Variants in PPP2R1B observed in about 807,000 individuals in gnomAD.
PPP2R1B encodes protein phosphatase 2 scaffold subunit Abeta.
A neutral mutation model predicts 72.7 loss-of-function variants in PPP2R1B; 58 were observed. The observed-to-expected ratio is 0.80, with a 90% confidence interval of 0.65 to 0.99. PPP2R1B has a LOEUF of 0.99. PPP2R1B is among the 50% of genes least tolerant of loss of function. The probability of loss-of-function intolerance (pLI) is 0.00; values close to 1 mark genes in which losing one functional copy is unlikely to be tolerated. For missense variants in PPP2R1B, 695 were observed against 733.6 expected, an observed-to-expected ratio of 0.95 and a Z score of 0.61; for synonymous variants, 256 against 264.6, an observed-to-expected ratio of 0.97 and a Z score of 0.32.
At chr11:111,748,473 A>G (rs1325963028) in intron 10 of PPP2R1B, among the ~76,000 whole-genome samples, 1 of 152,256 alleles carries the variant, frequency 6.6e-6, no homozygotes, top group Non-Finnish European at 1.5e-5. Flanking sequence ...ATCCCCAGTT[A>G]AAGAGAGTAT....
downstream of PPP2R1B, chr11:111,737,576 A>T (rs1226258217): frequency 6.2e-7 from 1 of 1,614,164 alleles, no homozygotes; most frequent in Admixed American, 1.7e-5. Flanking sequence ...ACCACTAGAG[A>T]CACAGACAGT....
At chr11:111,718,097 C>G in the PPP2R1B span, among the ~76,000 whole-genome samples, 39 of 152,258 alleles carry the variant, frequency 2.6e-4, no homozygotes, top group African/African-American at 9.4e-4. Context: ...AAAGAACTTG[C>G]TTATATGGCT....
At position 111,745,451 on chromosome 11, in the gene PPP2R1B, C is replaced by G. The variant is rs145195765; in HGVS notation, c.1400-1921G>C. ...GAAAAACCAGAGACTGGGGAACACA[C>G]ATGCATAGCCTTGACCAAGACCTTA... is the stretch of plus-strand genomic sequence containing the variant. On this transcript the variant is annotated intron_variant, in intron 11 of 14. Coordinates refer to ENST00000527614, the MANE Select transcript of PPP2R1B (RefSeq NM_002716.5). Among the ~76,000 whole-genome samples, 571 of 152,300 alleles carry G rather than the reference C, an allele frequency of 3.7e-3. 1 individual carries two copies. The highest frequency in any genetic ancestry group is 6.9e-3 in the Non-Finnish European group (468 of 68,024).
At chr11:111,702,428 GT>G in the PPP2R1B span, among the ~76,000 whole-genome samples, 2 of 151,908 alleles carry the variant, frequency 1.3e-5, no homozygotes, top group Non-Finnish European at 2.9e-5. Flanking sequence ...CTACAAAAAA[GT>G]TTTTTTTCAA....
intron 10 of PPP2R1B, among the ~76,000 whole-genome samples, chr11:111,750,390 C>G (rs1372008766): frequency 2.0e-5 from 3 of 152,130 alleles, no homozygotes; most frequent in African/African-American, 7.2e-5. Context: ...TGGCTCATGC[C>G]TATTATCAGC....
the PPP2R1B span, among the ~76,000 whole-genome samples, chr11:111,717,558 G>C: frequency 1.3e-5 from 2 of 152,092 alleles, no homozygotes; most frequent in Non-Finnish European, 2.9e-5. Context: ...TCTAGAGGCA[G>C]AAATACCATT....
chr11:111,736,611 C>T (rs541853118), downstream of PPP2R1B, among the ~76,000 whole-genome samples: 1 of 152,274 alleles, frequency 6.6e-6, no homozygotes, highest in South Asian at 2.1e-4. Flanking sequence ...AAGTGTGCAG[C>T]CCCTCAGGAA....
At chr11:111,698,666 G>A in the PPP2R1B span, among the ~76,000 whole-genome samples, 3 of 152,194 alleles carry the variant, frequency 2.0e-5, no homozygotes, top group East Asian at 1.9e-4. Context: ...AGCTGAGATC[G>A]TGCCATTGCA....
chr11:111,762,691 C>T (rs1209881046), intron 3 of PPP2R1B, among the ~76,000 whole-genome samples: 2 of 151,858 alleles, frequency 1.3e-5, no homozygotes, highest in Admixed American at 6.6e-5. Flanking sequence ...GACTCAGACA[C>T]ATGACATCAT....
exon 16 of PPP2R1B, chr11:111,727,017 A>T: frequency 1.2e-6 from 2 of 1,614,094 alleles, no homozygotes; most frequent in Non-Finnish European, 1.7e-6. Flanking sequence ...CAGCTGGGCA[A>T]GTGTGTCTCT....
chr11:111,708,593 G>T, the PPP2R1B span, among the ~76,000 whole-genome samples: 1 of 151,704 alleles, frequency 6.6e-6, no homozygotes, highest in Admixed American at 6.6e-5. Context: ...TTTGGGGGAG[G>T]TTTTGTTTTT....
downstream of PPP2R1B, among the ~76,000 whole-genome samples, chr11:111,736,001 G>C (rs1033845443): frequency 1.3e-5 from 2 of 152,128 alleles, no homozygotes; most frequent in African/African-American, 4.8e-5. Context: ...CATGGGGCGG[G>C]GGATTTTTCT....
the PPP2R1B span, among the ~76,000 whole-genome samples, chr11:111,718,148 G>GT: frequency 1.3e-5 from 2 of 152,168 alleles, no homozygotes; most frequent in African/African-American, 2.4e-5. Flanking sequence ...GACGGAGGCC[G>GT]TAAGTGTAAG....
At chr11:111,728,218 A>G (rs78231019) in intron 15 of PPP2R1B, 1 of 152,174 alleles carries the variant, frequency 6.6e-6, no homozygotes, top group East Asian at 1.9e-4. Flanking sequence ...ATTGGAGAAC[A>G]GGGAAGCTCG....
chr11:111,736,897 G>A (rs949050338), downstream of PPP2R1B, among the ~76,000 whole-genome samples: 10 of 152,126 alleles, frequency 6.6e-5, no homozygotes, highest in East Asian at 3.9e-4. Context: ...GCCACAAATC[G>A]CCCTCCTAAT....
chr11:111,754,611 T>G, intron 7 of PPP2R1B, 42 bp from the exon 8 acceptor site: 1 of 1,581,114 alleles, frequency 6.3e-7, no homozygotes, highest in Admixed American at 2.0e-5. Context: ...CACAGGGCCA[T>G]TTACAAAGAG....
At chr11:111,714,851 G>A in the PPP2R1B span, among the ~76,000 whole-genome samples, 1 of 152,106 alleles carries the variant, frequency 6.6e-6, no homozygotes, top group Non-Finnish European at 1.5e-5. Flanking sequence ...CTCTGTCTGT[G>A]GTTGCTACTA....
At chr11:111,765,514 T>C (rs1166056368) in intron 1 of PPP2R1B, 130 bp from the exon 2 acceptor site, 3 of 765,360 alleles carry the variant, frequency 3.9e-6, no homozygotes, top group Non-Finnish European at 4.2e-6. Flanking sequence ...ATTTAGATTT[T>C]ACTGTTAAGG....
intron 15 of PPP2R1B, among the ~76,000 whole-genome samples, chr11:111,731,390 A>C (rs984057816): frequency 1.3e-5 from 2 of 152,362 alleles, no homozygotes; most frequent in East Asian, 3.9e-4. Context: ...GTGCGCTCAC[A>C]CAGTGCATTC....
Sources: allele counts gnomAD v4.1 joint callset (sites outside exome capture counted in the v4.1 genomes callset), GRCh38; gene constraint gnomAD v4.1.1; transcripts MANE v1.5; gene names NCBI Gene and HGNC (gene_info 2026-07-23, HGNC 2026-07-21).